USP6NL: variants seen among roughly 807,000 people sequenced by gnomAD.
USP6NL encodes USP6 N-terminal-like protein.
USP6NL carries 26 observed loss-of-function variants against 61.9 expected under a neutral mutation model. The observed-to-expected ratio is 0.42, with a 90% CI of 0.31 to 0.58. The LOEUF is 0.58. Among genes scored for constraint, USP6NL ranks in the 20% least tolerant of loss-of-function variants. USP6NL has a pLI of 0.16. For synonymous variants in USP6NL, 432 were observed against 390.1 expected (o/e 1.11, Z -1.27); for missense variants, 1,114 against 1,034.3 (o/e 1.08, Z -1.06).
chr10:11,551,461 T>G (rs188019536), intron 2 of USP6NL, among the ~76,000 whole-genome samples: 171 of 152,374 alleles, frequency 1.1e-3, no homozygotes, highest in Non-Finnish European at 1.8e-3. Flanking sequence ...CTGTAACCAG[T>G]GCTTAGGACA....
In USP6NL at chr10:11,463,097, T is replaced by C. The variant is rs780320389; in HGVS notation, c.1831A>G (p.Ser611Gly). The C allele has an allele frequency of 6.2e-7, 1 of 1,614,020 alleles. No homozygotes were observed. The highest frequency in any genetic ancestry group is 8.5e-7 in the Non-Finnish European group (1 of 1,179,894). Residue 611 changes from serine to glycine, a missense_variant, in exon 15 of 15, where the codon AGT becomes GGT. Physicochemically the swap from Ser to Gly is moderately conservative, Grantham distance 56. Coordinates refer to ENST00000609104, the MANE Select transcript of USP6NL (RefSeq NM_014688.5). This position sits in a 1 kb window ranked among gnomAD's most constrained non-coding sequence, Gnocchi z 6.3. Reference sequence around the variant, plus strand: ...AGCTGGGACGGATATCGTGCATGACTTGGAGGCTGTACTTTAAAAGTAAAC... The same window carrying C: ...AGCTGGGACGGATATCGTGCATGACCTGGAGGCTGTACTTTAAAAGTAAAC... The part of the protein sequence containing the change: ...NKFTFKVQPP[S>G]HARYPSQLDG...
At position 11,490,802 on chromosome 10, in the gene USP6NL, A is replaced by G. The variant is rs1242377293; in HGVS notation, c.543+30T>C. ...AGGGAGTACCTCAGAATACAACTCAAAGACCTTGGGCAGGCAGGCCCCAAC... is the reference window on the plus strand; with the variant it reads ...AGGGAGTACCTCAGAATACAACTCAGAGACCTTGGGCAGGCAGGCCCCAAC... On this transcript the variant is annotated intron_variant, in intron 9 of 14. Transcript: ENST00000609104. This position sits in a 1 kb window ranked among gnomAD's most constrained non-coding sequence, Gnocchi z 4.5. The G allele has an allele frequency of 1.3e-6, 2 of 1,548,210 alleles. 1 individual carries two copies. The highest frequency in any genetic ancestry group is 4.0e-5 in the Admixed American group (2 of 49,470).
intron 4 of USP6NL, among the ~76,000 whole-genome samples, chr10:11,519,379 C>G (rs1232513011): frequency 1.3e-5 from 2 of 152,170 alleles, no homozygotes; most frequent in Non-Finnish European, 2.9e-5. Context: ...CCTGTAATCC[C>G]AACACTTTGG....
rs753648816 is a variant in USP6NL at position 11,553,193 on chromosome 10, T to C, written c.5-25626A>G. Among the ~76,000 whole-genome samples the C allele has an allele frequency of 1.3e-5, 2 of 152,210 alleles. No homozygotes were observed. The highest frequency in any genetic ancestry group is 2.4e-5 in the African/African-American group (1 of 41,464). On this transcript the variant is annotated intron_variant, in intron 2 of 14. Coordinates refer to ENST00000609104, the MANE Select transcript of USP6NL (RefSeq NM_014688.5). The surrounding 1 kb of genome is among the most constrained non-coding windows in gnomAD (Gnocchi z 4.8). ...CCACTATCACATTAATCCACAACCA[T>C]ATTTTGGCTACTGAATTGTTGAATG...
At chr10:11,560,124 A>C (rs1424407795) in intron 2 of USP6NL, among the ~76,000 whole-genome samples, 1 of 152,196 alleles carries the variant, frequency 6.6e-6, no homozygotes, top group Non-Finnish European at 1.5e-5. Flanking sequence ...TTTCGTTCAA[A>C]AAAGCACGAT....
At position 11,463,727 on chromosome 10, in the gene USP6NL, C is replaced by T. The variant is rs754431082; in HGVS notation, c.1201G>A (p.Gly401Ser). 6 of 1,607,898 alleles carry T rather than the reference C, an allele frequency of 3.7e-6. No individual in the cohort carries two copies. The highest frequency in any genetic ancestry group is 5.1e-6 in the Non-Finnish European group (6 of 1,176,376). ...TGGGGCGCCCCGCTCTCCCTCCTGC[C>T]GCTGGCCAGCGGGCTCGGCCGGCCC... is the stretch of plus-strand genomic sequence containing the variant. ...SVGRPSPLAS[G>S]RRESGAPHRR... The change falls in exon 15 of 15, where the codon GGC (glycine) becomes AGC (serine). Residue 401 changes from glycine (G) to serine (S), a missense_variant. Physicochemically the swap from Gly to Ser is moderately conservative, Grantham distance 56. Coordinates refer to ENST00000609104, the MANE Select transcript of USP6NL (RefSeq NM_014688.5). This position sits in a 1 kb window ranked among gnomAD's most constrained non-coding sequence, Gnocchi z 6.3.
chr10:11,605,762 T>C (rs1465109610), intron 1 of USP6NL, among the ~76,000 whole-genome samples: 1 of 150,734 alleles, frequency 6.6e-6, no homozygotes, highest in African/African-American at 2.4e-5. Flanking sequence ...CAGGGAAGAG[T>C]AGATTAGAAA....
At position 11,611,311 on chromosome 10, in the gene USP6NL, C is replaced by T. The variant is rs916376086; in HGVS notation, c.-84+132G>A. The T allele has an allele frequency of 2.0e-5, 3 of 151,990 alleles. No homozygotes were observed. The highest frequency in any genetic ancestry group is 7.2e-5 in the African/African-American group (3 of 41,414). 9.4% of individuals were successfully genotyped at this position (151,990 alleles called of 1,614,324 possible). A position where few individuals can be genotyped will look rare whatever the true frequency, so the allele number is the denominator to read the frequency against. On this transcript the variant is annotated intron_variant, in intron 1 of 14. Coordinates refer to ENST00000609104, the MANE Select transcript of USP6NL (RefSeq NM_014688.5). This position sits in a 1 kb window ranked among gnomAD's most constrained non-coding sequence, Gnocchi z 5.3. ...GCCGAGCCGCGAACCGCAGCCGCGT[C>T]CCCTCCTCCAGGGGCCGGGAATGGC...
chr10:11,598,087 T>G lies in USP6NL; in HGVS notation c.-83-370A>C, dbSNP rs974312319. Among the ~76,000 whole-genome samples, 1 of 152,218 alleles carries G rather than the reference T, an allele frequency of 6.6e-6. No homozygotes were observed. Among genetic ancestry groups the G allele is most frequent in the Non-Finnish European group, 1.5e-5 (1 of 68,032 alleles). ...TAAATACAGCCCACATCATCCCTGC[T>G]GAGTATATTTTGACTGCACATAAAT... On this transcript the variant is annotated intron_variant, in intron 1 of 14. Coordinates refer to ENST00000609104, the MANE Select transcript of USP6NL (RefSeq NM_014688.5). The surrounding 1 kb of genome is among the most constrained non-coding windows in gnomAD (Gnocchi z 4.7).
Position 11,489,224 on chromosome 10 carries a change from T to TG in USP6NL, c.544-3dup, listed in dbSNP as rs748688632. On this transcript the variant is annotated splice_region_variant and splice_polypyrimidine_tract_variant and intron_variant, in intron 9 of 14. Coordinates refer to ENST00000609104, the MANE Select transcript of USP6NL (RefSeq NM_014688.5). This position sits in a 1 kb window ranked among gnomAD's most constrained non-coding sequence, Gnocchi z 5.7. Reference sequence around the variant, plus strand: ...CATCCCCTGACAATACCCGACTTCCTGGGGAGCAAAGGGGAACACAGAAGC... The same window carrying TG: ...CATCCCCTGACAATACCCGACTTCCTGGGGGAGCAAAGGGGAACACAGAAGC... 1.9e-6 allele frequency: 3 copies of TG among 1,613,570 alleles called. No homozygotes were observed. In the African/African-American group the frequency reaches 4.0e-5, roughly 22 times the overall value.
At chr10:11,581,183 A>G (rs1161571532) in intron 2 of USP6NL, among the ~76,000 whole-genome samples, 1 of 152,222 alleles carries the variant, frequency 6.6e-6, no homozygotes, top group African/African-American at 2.4e-5. Context: ...ACACTAAGCC[A>G]AAAGAAAATA....
intron 14 of USP6NL, among the ~76,000 whole-genome samples, chr10:11,475,194 C>T (rs897724390): frequency 1.3e-5 from 2 of 151,766 alleles, no homozygotes; most frequent in Admixed American, 6.6e-5. Context: ...GAAGCATTTA[C>T]TCTGCCTTTT....
intron 2 of USP6NL, among the ~76,000 whole-genome samples, chr10:11,550,192 G>C (rs1378692679): frequency 6.6e-6 from 1 of 152,060 alleles, no homozygotes; most frequent in Non-Finnish European, 1.5e-5. Context: ...GAAAATATAG[G>C]AGATAATCTC....
chr10:11,607,532 G>A (rs1255225680), intron 1 of USP6NL, among the ~76,000 whole-genome samples: 3 of 151,976 alleles, frequency 2.0e-5, no homozygotes, highest in Non-Finnish European at 4.4e-5. Context: ...AAAAAAATAC[G>A]GAAATTAGCT....
At chr10:11,522,507 T>C (rs571699733) in intron 4 of USP6NL, among the ~76,000 whole-genome samples, 16 of 152,356 alleles carry the variant, frequency 1.1e-4, no homozygotes, top group African/African-American at 3.1e-4. Context: ...AACTACTCAT[T>C]GTACTAAAAA....
Position 11,511,744 on chromosome 10 carries a change from C to T in USP6NL, c.196-2069G>A, listed in dbSNP as rs1377258936. On this transcript the variant is annotated intron_variant, in intron 5 of 14. Transcript: ENST00000609104. This position sits in a 1 kb window ranked among gnomAD's most constrained non-coding sequence, Gnocchi z 4.9. ...ATTCCCACGCTGCAAGAACAAAACA[C>T]ACACATACACATACAAAAAAAATTA... Among the ~76,000 whole-genome samples the T allele has an allele frequency of 1.3e-5, 2 of 151,960 alleles. No individual in the cohort carries two copies. The highest frequency in any genetic ancestry group is 4.8e-5 in the African/African-American group (2 of 41,368).
intron 2 of USP6NL, among the ~76,000 whole-genome samples, chr10:11,541,706 T>C (rs1394630515): frequency 6.6e-6 from 1 of 152,074 alleles, no homozygotes; most frequent in Non-Finnish European, 1.5e-5. Context: ...AGATCTTAAA[T>C]AATGGATTTC....
chr10:11,598,413 TTG>T lies in USP6NL; in HGVS notation c.-83-698_-83-697del, dbSNP rs981694620. Among the ~76,000 whole-genome samples, 8 of 152,292 alleles carry T rather than the reference TTG, an allele frequency of 5.3e-5. No individual in the cohort carries two copies. The highest frequency in any genetic ancestry group is 1.7e-4 in the African/African-American group (7 of 41,572). ...TAAGAGCATAACATAAAACATCAAC[TTG>T]TGTTAGTATTAATACAAACTTAACC... On this transcript the variant is annotated intron_variant, in intron 1 of 14. Transcript: ENST00000609104. This position sits in a 1 kb window ranked among gnomAD's most constrained non-coding sequence, Gnocchi z 4.7.
At chr10:11,475,992 T>A (rs1298042725) in intron 14 of USP6NL, among the ~76,000 whole-genome samples, 1 of 152,100 alleles carries the variant, frequency 6.6e-6, no homozygotes, top group Non-Finnish European at 1.5e-5. Flanking sequence ...AGACAACTCC[T>A]GAGTGTGCGA....
Sources: allele counts gnomAD v4.1 joint callset (sites outside exome capture counted in the v4.1 genomes callset), GRCh38; gene constraint gnomAD v4.1.1; non-coding constraint Gnocchi (gnomAD v3.1); transcripts MANE v1.5; gene names NCBI Gene and HGNC (gene_info 2026-07-23, HGNC 2026-07-21).